MTPN: variants seen among roughly 807,000 people sequenced by gnomAD.
MTPN encodes myotrophin.
Under a neutral mutation model 13.5 loss-of-function variants are expected in MTPN, and 2 were observed. The observed-to-expected ratio is 0.15, with a 90% CI of 0.06 to 0.47. The LOEUF is 0.47. Among genes scored for constraint, MTPN ranks in the 20% least tolerant of loss-of-function variants. MTPN has a pLI of 0.97. For synonymous variants in MTPN, 46 were observed against 51.7 expected, an observed-to-expected ratio of 0.89 and a Z score of 0.48; for missense variants, 79 against 137.9, an observed-to-expected ratio of 0.57 and a Z score of 2.14.
chr7:135,955,181 A>T (rs1397786834), intron 1 of MTPN, among the ~76,000 whole-genome samples: 1 of 152,226 alleles, frequency 6.6e-6, no homozygotes, highest in Non-Finnish European at 1.5e-5. Context: ...ATAGCACTAA[A>T]TGCCTGTACT....
intron 1 of MTPN, among the ~76,000 whole-genome samples, chr7:135,968,609 T>G (rs1043821268): frequency 2.0e-5 from 3 of 152,158 alleles, no homozygotes; most frequent in Admixed American, 6.5e-5. Context: ...ACACTTCCTC[T>G]GTTTTGAATC....
chr7:135,938,591 G>C (rs1448732505), intron 3 of MTPN, among the ~76,000 whole-genome samples: 3 of 152,222 alleles, frequency 2.0e-5, no homozygotes, highest in Non-Finnish European at 4.4e-5. Flanking sequence ...GCTTTACAGA[G>C]TTCAAGCTCT....
At chr7:135,962,656 C>T (rs1227538931) in intron 1 of MTPN, among the ~76,000 whole-genome samples, 5 of 151,884 alleles carry the variant, frequency 3.3e-5, no homozygotes, top group East Asian at 1.9e-4. Context: ...AACAAATAAG[C>T]GGTATGTTTT....
rs368772208 is a variant in MTPN at position 135,961,523 on chromosome 7, CT to C, written c.73-9894del. 3.1e-4 allele frequency among the ~76,000 whole-genome samples: 45 copies of C among 147,356 alleles called. 1 individual carries two copies. Among genetic ancestry groups the C allele is most frequent in the Middle Eastern group, 3.4e-3 (1 of 292 alleles). On this transcript the variant is annotated intron_variant, in intron 1 of 3. Transcript: ENST00000393085. ...TTTGGAGAGAGTTTGAGATATATAC[CT>C]TTTTTTTTTTCTTTCTTTTTTGAGA...
chr7:135,956,442 T>C (rs1192042892), intron 1 of MTPN, among the ~76,000 whole-genome samples: 1 of 152,226 alleles, frequency 6.6e-6, no homozygotes, highest in East Asian at 1.9e-4. Context: ...ATGGAAATGT[T>C]ACCATGTTTT....
Position 135,947,524 on chromosome 7 carries a change from A to G in MTPN, c.270+3075T>C, listed in dbSNP as rs139318240. On this transcript the variant is annotated intron_variant, in intron 3 of 3. Coordinates refer to ENST00000393085, the MANE Select transcript of MTPN (RefSeq NM_145808.4). ...TGCTCACACCTAAACTTTGAAATGG[A>G]AGCCTCTCATCTGTTGATCTCTACA... is the stretch of plus-strand genomic sequence containing the variant. Among the ~76,000 whole-genome samples the G allele has an allele frequency of 4.6e-5, 7 of 152,314 alleles. 1 individual carries two copies. The East Asian group carries it at 1.3e-3, about 29-fold the overall frequency.
rs1489417424 is a variant in MTPN at position 135,928,767 on chromosome 7, T to G, written c.*1159A>C. On this transcript the variant is annotated 3_prime_UTR_variant, in exon 4 of 4. Coordinates refer to ENST00000393085, the MANE Select transcript of MTPN (RefSeq NM_145808.4). ...TTTGAAGTTGTCACACTTTATGTAATGCATGATTTATAAAAGCAACAAAAA... is the reference window on the plus strand; with the variant it reads ...TTTGAAGTTGTCACACTTTATGTAAGGCATGATTTATAAAAGCAACAAAAA... 5 of 167,090 alleles carry G rather than the reference T, an allele frequency of 3.0e-5. No individual in the cohort carries two copies. The Admixed American group carries it at 3.3e-4, about 11-fold the overall frequency. 10.4% of individuals were successfully genotyped at this position (167,090 alleles called of 1,614,324 possible).
chr7:135,940,505 T>A (rs914903920), intron 3 of MTPN, among the ~76,000 whole-genome samples: 1 of 152,212 alleles, frequency 6.6e-6, no homozygotes, highest in Non-Finnish European at 1.5e-5. Context: ...GAGTTTTTAA[T>A]GTAACAGTAA....
intron 1 of MTPN, among the ~76,000 whole-genome samples, chr7:135,961,810 C>T (rs549011377): frequency 1.6e-3 from 244 of 152,046 alleles, no homozygotes; most frequent in African/African-American, 5.4e-3. Context: ...ATACTAGGCA[C>T]ATACATCTAA....
At chr7:135,969,676 CA>C (rs1474637165) in intron 1 of MTPN, among the ~76,000 whole-genome samples, 1 of 151,598 alleles carries the variant, frequency 6.6e-6, no homozygotes, top group African/African-American at 2.4e-5. Context: ...ATACAAAATC[CA>C]AGTCACAAAA....
In MTPN at chr7:135,927,747, C is replaced by T. The variant is rs1798945423; in HGVS notation, c.*2179G>A. Reference sequence around the variant, plus strand: ...AATCGCTTCATAATTATAGGGTTTACAAAAAGGTCGAGAAAGAAAAGCGAA... The same window carrying T: ...AATCGCTTCATAATTATAGGGTTTATAAAAAGGTCGAGAAAGAAAAGCGAA... On this transcript the variant is annotated 3_prime_UTR_variant, in exon 4 of 4. Coordinates refer to ENST00000393085, the MANE Select transcript of MTPN (RefSeq NM_145808.4). 2.1e-6 allele frequency: 1 copy of T among 479,114 alleles called. No individual in the cohort carries two copies. The highest frequency in any genetic ancestry group is 4.3e-6 in the Non-Finnish European group (1 of 234,800). The allele number at this position is 479,114 out of a possible 1,614,324, so 29.7% of individuals were successfully genotyped here.
At chr7:135,948,118 A>C (rs1799311885) in intron 3 of MTPN, among the ~76,000 whole-genome samples, 1 of 152,204 alleles carries the variant, frequency 6.6e-6, no homozygotes, top group Non-Finnish European at 1.5e-5. Context: ...TAATATAAAC[A>C]CTGATTATAA....
intron 1 of MTPN, among the ~76,000 whole-genome samples, chr7:135,953,854 T>G (rs1346242392): frequency 6.6e-6 from 1 of 152,196 alleles, no homozygotes; most frequent in African/African-American, 2.4e-5. Flanking sequence ...CTTCAATAAT[T>G]CAAAGCAATA....
At chr7:135,942,188 C>T (rs537765262) in intron 3 of MTPN, among the ~76,000 whole-genome samples, 41 of 152,050 alleles carry the variant, frequency 2.7e-4, no homozygotes, top group Non-Finnish European at 5.3e-4. Flanking sequence ...TGTGCCCGGC[C>T]GCTGTTATAT....
rs1289368799 is a variant in MTPN, at chr7:135,950,694, T to C, written c.187-12A>G. ...TGTTTATCTGGAGCCTATGAAATAA[T>C]AAACAGAGATAACTTTATCTGTTTT... On this transcript the variant is annotated splice_polypyrimidine_tract_variant and intron_variant, in intron 2 of 3. Transcript: ENST00000393085. 6.4e-7 allele frequency: 1 copy of C among 1,567,480 alleles called. No individual in the cohort carries two copies. The highest frequency in any genetic ancestry group is 8.8e-7 in the Non-Finnish European group (1 of 1,142,480).
intron 1 of MTPN, among the ~76,000 whole-genome samples, chr7:135,953,923 C>T (rs1799401891): frequency 6.6e-6 from 1 of 151,992 alleles, no homozygotes; most frequent in Non-Finnish European, 1.5e-5. Flanking sequence ...AACAGGGCCT[C>T]CTGTAAATCA....
At chr7:135,943,814 T>C (rs1799247951) in intron 3 of MTPN, among the ~76,000 whole-genome samples, 1 of 152,198 alleles carries the variant, frequency 6.6e-6, no homozygotes, top group Non-Finnish European at 1.5e-5. Flanking sequence ...AAAAAGCAGT[T>C]CTTTTGGGCT....
In MTPN at chr7:135,927,486, T is replaced by C. The variant is rs2116329495; in HGVS notation, c.*2440A>G. Reference sequence around the variant, plus strand: ...AGAACATGCAAAATTTTTTCTGAGATGTTAAGTATTACTTCAGTGGAGAAC... The same window carrying C: ...AGAACATGCAAAATTTTTTCTGAGACGTTAAGTATTACTTCAGTGGAGAAC... On this transcript the variant is annotated 3_prime_UTR_variant, in exon 4 of 4. Transcript: ENST00000393085. 1 of 1,401,894 alleles carries C rather than the reference T, an allele frequency of 7.1e-7. No individual in the cohort carries two copies. The highest frequency in any genetic ancestry group is 9.7e-7 in the Non-Finnish European group (1 of 1,025,718). The allele number at this position is 1,401,894 out of a possible 1,614,324, so 86.8% of individuals were successfully genotyped here.
chr7:135,952,298 A>G lies in MTPN; in HGVS notation c.73-668T>C, dbSNP rs117413069. Among the ~76,000 whole-genome samples the G allele has an allele frequency of 5.6e-4, 85 of 152,294 alleles. 1 individual carries two copies. The East Asian group carries it at 0.016, about 29-fold the overall frequency. ...TCAGGGCTTTCAGAAGAACATGACA[A>G]TCCTGGTGATGAATGGAGGTATAGT... On this transcript the variant is annotated intron_variant, in intron 1 of 3. Transcript: ENST00000393085.
Sources: allele counts gnomAD v4.1 joint callset (sites outside exome capture counted in the v4.1 genomes callset), GRCh38; gene constraint gnomAD v4.1.1; transcripts MANE v1.5; gene names NCBI Gene and HGNC (gene_info 2026-07-23, HGNC 2026-07-21).